CDC25C: variants seen among roughly 807,000 people sequenced by gnomAD.
The protein encoded by CDC25C is M-phase inducer phosphatase 3.
A neutral mutation model predicts 52.5 loss-of-function variants in CDC25C; 48 were observed. The ratio of observed to expected loss-of-function variants is 0.91; its 90% CI spans 0.72 to 1.16. CDC25C has a LOEUF of 1.16. Among genes scored for constraint, CDC25C ranks in the 50% most tolerant of loss-of-function variants. CDC25C has a pLI of 0.00. For synonymous variants in CDC25C, 187 were observed against 206.5 expected, an observed-to-expected ratio of 0.91 and a Z score of 0.81; for missense variants, 510 against 566.1, an observed-to-expected ratio of 0.90 and a Z score of 1.01.
chr5:138,311,998 G>A (rs574951724), intron 7 of CDC25C, among the ~76,000 whole-genome samples: 7 of 152,226 alleles, frequency 4.6e-5, no homozygotes, highest in African/African-American at 7.2e-5. Context: ...AAATTACGAT[G>A]AGATACCATT....
At chr5:138,306,317 C>G (rs911212885) in intron 7 of CDC25C, among the ~76,000 whole-genome samples, 5 of 152,062 alleles carry the variant, frequency 3.3e-5, no homozygotes, top group African/African-American at 9.7e-5. Context: ...GTTTTGTTCA[C>G]CATCGTATCA....
At chr5:138,329,819 C>T (rs1760207633) in intron 2 of CDC25C, among the ~76,000 whole-genome samples, 172 bp from the exon 3 acceptor site, 1 of 151,270 alleles carries the variant, frequency 6.6e-6, no homozygotes, top group South Asian at 2.1e-4. Context: ...CAACCTCCGC[C>T]TCCCGGGTTC....
At chr5:138,332,950 G>T (rs950130405), upstream of CDC25C, among the ~76,000 whole-genome samples, 12 of 152,162 alleles carry the variant, frequency 7.9e-5, no homozygotes, top group African/African-American at 2.7e-4. Flanking sequence ...ATGGGGGCAG[G>T]AGGGTCCATC....
At chr5:138,334,308 A>G (rs1760580653), upstream of CDC25C, among the ~76,000 whole-genome samples, 1 of 152,082 alleles carries the variant, frequency 6.6e-6, no homozygotes, top group Non-Finnish European at 1.5e-5. Context: ...TGAGCCCAGG[A>G]GTTTGAGGCC....
intron 7 of CDC25C, among the ~76,000 whole-genome samples, chr5:138,300,426 A>T (rs1292376648): frequency 6.6e-6 from 1 of 151,936 alleles, no homozygotes; most frequent in Non-Finnish European, 1.5e-5. Context: ...AGCTGGGTAC[A>T]GTGGTGCATG....
intron 7 of CDC25C, among the ~76,000 whole-genome samples, chr5:138,298,442 A>T (rs1175686649): frequency 6.6e-6 from 1 of 152,192 alleles, no homozygotes; most frequent in Non-Finnish European, 1.5e-5. Flanking sequence ...CTCACAATAG[A>T]CAATATGCCT....
At chr5:138,303,862 T>C (rs977521364) in intron 7 of CDC25C, among the ~76,000 whole-genome samples, 32 of 152,266 alleles carry the variant, frequency 2.1e-4, no homozygotes, top group Admixed American at 1.8e-3. Flanking sequence ...CATTAGTGAA[T>C]AAATGAATGA....
chr5:138,313,995 C>CTTTCTTTT (rs1554117939), intron 7 of CDC25C, among the ~76,000 whole-genome samples: 17 of 112,664 alleles, frequency 1.5e-4, no homozygotes, highest in Non-Finnish European at 2.5e-4. Context: ...TTCTTTCTTT[C>CTTTCTTTT]TTTTTTTTTT....
At chr5:138,328,435 C>A in intron 4 of CDC25C, 49 bp downstream of exon 4, 1 of 1,546,356 alleles carries the variant, frequency 6.5e-7, no homozygotes, top group Non-Finnish European at 8.9e-7. Context: ...ATCTCTATGA[C>A]CAGTGCTAAA....
intron 7 of CDC25C, among the ~76,000 whole-genome samples, chr5:138,306,657 G>A (rs1758023332): frequency 6.6e-6 from 1 of 151,888 alleles, no homozygotes; most frequent in African/African-American, 2.4e-5. Flanking sequence ...TGTATTTTTA[G>A]TAAAGACGGG....
At chr5:138,287,926 TA>T (rs1227797218) in intron 10 of CDC25C, among the ~76,000 whole-genome samples, 1 of 152,184 alleles carries the variant, frequency 6.6e-6, no homozygotes, top group African/African-American at 2.4e-5. Flanking sequence ...TATTCAATAA[TA>T]GGGGTTTGGT....
chr5:138,307,064 G>A (rs1010953939), intron 7 of CDC25C, among the ~76,000 whole-genome samples: 1 of 146,290 alleles, frequency 6.8e-6, no homozygotes, highest in Non-Finnish European at 1.5e-5. Context: ...GGCTGGTCTC[G>A]AACTCCTGAC....
rs535482479 is a variant in CDC25C at position 138,337,664 on chromosome 5, A to G, written c.13+292T>C. 10 of 313,452 alleles carry G rather than the reference A, an allele frequency of 3.2e-5. No individual in the cohort carries two copies. The East Asian group carries it at 1.0e-3, about 33-fold the overall frequency. 19.4% of individuals were successfully genotyped at this position (313,452 alleles called of 1,614,324 possible). On this transcript the variant is annotated intron_variant, in intron 1 of 5. Coordinates refer to the CDC25C transcript ENST00000510119. ...AAGTGGAAACGTCCCCGCAACCATTATAAGTCCTGGGTTTTTAAGGTTCAG... is the reference window on the plus strand; with the variant it reads ...AAGTGGAAACGTCCCCGCAACCATTGTAAGTCCTGGGTTTTTAAGGTTCAG...
chr5:138,314,270 T>G (rs1258520298), intron 7 of CDC25C, among the ~76,000 whole-genome samples: 2 of 151,648 alleles, frequency 1.3e-5, no homozygotes, highest in Non-Finnish European at 2.9e-5. Flanking sequence ...GTGCTGTCCT[T>G]TATTCAAATC....
intron 7 of CDC25C, among the ~76,000 whole-genome samples, chr5:138,311,994 C>T (rs1218889325): frequency 2.0e-5 from 3 of 152,156 alleles, no homozygotes; most frequent in African/African-American, 4.8e-5. Flanking sequence ...ATTAAAATTA[C>T]GATGAGATAC....
At chr5:138,317,408 G>T (rs1000372338) in intron 7 of CDC25C, among the ~76,000 whole-genome samples, 19 of 152,094 alleles carry the variant, frequency 1.2e-4, no homozygotes, top group African/African-American at 4.6e-4. Context: ...GGCCAGGCAT[G>T]GTAGCTCATG....
At chr5:138,331,815 G>A (rs1223574318), upstream of CDC25C, 6 of 968,936 alleles carry the variant, frequency 6.2e-6, no homozygotes, top group African/African-American at 8.8e-5. Context: ...ATCAACAGCC[G>A]CAGGCGTTGA....
In CDC25C at chr5:138,288,985, G is replaced by T. The variant is rs150187576; in HGVS notation, c.927+516C>A. On this transcript the variant is annotated intron_variant, in intron 10 of 13. Transcript: ENST00000323760. ...TTTTCTTAAGTAATTATTATTTTTT[G>T]AGACAGTCTCGCTGTGTCGCCCAGG... Among the ~76,000 whole-genome samples the T allele has an allele frequency of 1.7e-3, 252 of 151,572 alleles. 2 individuals carry two copies. The highest frequency in any genetic ancestry group is 5.9e-3 in the African/African-American group (244 of 41,312).
chr5:138,310,000 C>A (rs1163344057), intron 7 of CDC25C, among the ~76,000 whole-genome samples: 1 of 152,210 alleles, frequency 6.6e-6, no homozygotes, highest in Non-Finnish European at 1.5e-5. Flanking sequence ...AGCCACTGCT[C>A]CCAGCCTAGC....
Sources: gnomAD v4.1 joint callset for allele counts (sites outside exome capture counted in the v4.1 genomes callset) on GRCh38, gnomAD v4.1.1 for gene constraint, MANE v1.5 for transcripts, NCBI Gene and HGNC (gene_info 2026-07-23, HGNC 2026-07-21) for gene names.